ITPR2: variants seen among roughly 807,000 people sequenced by gnomAD.
The protein encoded by ITPR2 is inositol 1,4,5-trisphosphate-gated calcium channel ITPR2.
Under a neutral mutation model 317.1 loss-of-function variants are expected in ITPR2, and 207 were observed. The observed-to-expected ratio is 0.65, with a 90% CI of 0.58 to 0.73. The LOEUF (loss-of-function observed/expected upper bound fraction) is 0.73. Ranked by LOEUF, ITPR2 falls within the 30% of genes least tolerant of loss-of-function variation. The pLI is 0.00. For missense variants in ITPR2, 2,613 were observed against 3,284.0 expected, an observed-to-expected ratio of 0.80 and a Z score of 4.99; for synonymous variants, 1,156 against 1,149.1, an observed-to-expected ratio of 1.01 and a Z score of -0.12.
In ITPR2 at chr12:26,624,789, A is replaced by AC. The variant is rs1400575122; in HGVS notation, c.3065-434_3065-433insG. 2.3e-3 allele frequency among the ~76,000 whole-genome samples: 350 copies of AC among 152,018 alleles called. 2 individuals carry two copies. The highest frequency in any genetic ancestry group is 8.1e-3 in the African/African-American group (335 of 41,480). ...TTCGAGGTTTCTCAAAAAAAAAAAAAAACTAAAAATTGAGCTACCATATGA... is the reference window on the plus strand; with the variant it reads ...TTCGAGGTTTCTCAAAAAAAAAAAAACAACTAAAAATTGAGCTACCATATGA... On this transcript the variant is annotated intron_variant, in intron 23 of 56. Coordinates refer to ENST00000381340, the MANE Select transcript of ITPR2 (RefSeq NM_002223.4).
chr12:26,364,463 G>A (rs2136585569), intron 55 of ITPR2, among the ~76,000 whole-genome samples: 2 of 152,294 alleles, frequency 1.3e-5, no homozygotes, highest in South Asian at 4.2e-4. Context: ...ACTAGTCAGT[G>A]TTTCCCAAGG....
intron 9 of ITPR2, among the ~76,000 whole-genome samples, chr12:26,700,615 C>G (rs1451945931): frequency 1.5e-4 from 23 of 152,258 alleles, no homozygotes; most frequent in Non-Finnish European, 2.5e-4. Flanking sequence ...CCTCCTGCCT[C>G]CATAAAGCAG....
At chr12:26,829,881 A>G (rs910631204) in intron 1 of ITPR2, among the ~76,000 whole-genome samples, 1 of 152,142 alleles carries the variant, frequency 6.6e-6, no homozygotes, top group Non-Finnish European at 1.5e-5. Context: ...GGTTTCACCA[A>G]TAGCAGCATT....
At chr12:26,371,620 G>A (rs1939192634) in intron 55 of ITPR2, among the ~76,000 whole-genome samples, 1 of 152,224 alleles carries the variant, frequency 6.6e-6, no homozygotes, top group South Asian at 2.1e-4. Flanking sequence ...TCCAGGTGAA[G>A]GGAACAGCAG....
chr12:26,680,251 T>C (rs1948003959), intron 13 of ITPR2, among the ~76,000 whole-genome samples: 1 of 152,054 alleles, frequency 6.6e-6, no homozygotes, highest in African/African-American at 2.4e-5. Flanking sequence ...AAATTTCATA[T>C]CAGTAGGAAA....
rs747906554 is a variant in ITPR2, at chr12:26,597,113, C to T, written c.4024G>A (p.Val1342Met). 3.1e-6 allele frequency: 5 copies of T among 1,613,696 alleles called. No individual in the cohort carries two copies. In the Admixed American group the frequency reaches 6.7e-5, roughly 22 times the overall value. ...GCTCTATCATTGTAAAATATCAGCACGTCTTCACCCCCATTTATCAACTGA... is the reference window on the plus strand; with the variant it reads ...GCTCTATCATTGTAAAATATCAGCATGTCTTCACCCCCATTTATCAACTGA... The part of the protein sequence containing the change: ...MTELINGGED[V>M]LIFYNDRASF... The change falls in exon 31 of 57, where the codon GTG becomes ATG. Residue 1342 changes from valine to methionine, a missense_variant. By Grantham distance (21) the Val-to-Met change is conservative. This residue lies in a region of ITPR2 where 817 missense variants were observed against 897.6 expected (regional missense o/e 0.91). Transcript: ENST00000381340.
At chr12:26,822,009 C>A (rs2137294526) in intron 1 of ITPR2, among the ~76,000 whole-genome samples, 1 of 152,254 alleles carries the variant, frequency 6.6e-6, no homozygotes, top group South Asian at 2.1e-4. Flanking sequence ...TTCTGATGAT[C>A]CATGTAAGTT....
chr12:26,815,294 T>C (rs1362602809), intron 1 of ITPR2, among the ~76,000 whole-genome samples: 1 of 152,074 alleles, frequency 6.6e-6, no homozygotes, highest in African/African-American at 2.4e-5. Context: ...ATTGTGCCAC[T>C]GCACTCTAGC....
intron 32 of ITPR2, among the ~76,000 whole-genome samples, chr12:26,594,882 A>G (rs1945802540): frequency 6.6e-6 from 1 of 152,214 alleles, no homozygotes; most frequent in Non-Finnish European, 1.5e-5. Flanking sequence ...GAAAATGCCA[A>G]CCAGCTCCAC....
chr12:26,661,279 G>GC (rs1310757807), intron 15 of ITPR2, among the ~76,000 whole-genome samples: 4 of 114,386 alleles, frequency 3.5e-5, no homozygotes, highest in African/African-American at 1.2e-4. Flanking sequence ...TGTGTGTGGG[G>GC]GGGGGGGGGT....
intron 1 of ITPR2, among the ~76,000 whole-genome samples, chr12:26,796,650 C>T (rs35335462): frequency 0.016 from 2,460 of 152,124 alleles, 33 homozygotes; most frequent in Middle Eastern, 0.034. Context: ...AAGACATGTA[C>T]GAACAAGAGT....
chr12:26,686,669 G>A (rs868854434), intron 10 of ITPR2, 37 bp from the exon 11 acceptor site: 18 of 1,558,114 alleles, frequency 1.2e-5, no homozygotes, highest in Admixed American at 3.7e-5. Context: ...CTTTTATCAC[G>A]TTTCTTGCTA....
intron 55 of ITPR2, among the ~76,000 whole-genome samples, chr12:26,370,523 C>A (rs1221153192): frequency 3.3e-5 from 5 of 152,164 alleles, no homozygotes; most frequent in Admixed American, 1.3e-4. Context: ...ATGGACTTAC[C>A]TGCTAAAATC....
chr12:26,419,154 A>G lies in ITPR2; in HGVS notation c.7005T>C (p.Arg2335=), dbSNP rs1432531774. The G allele has an allele frequency of 1.2e-6, 2 of 1,613,800 alleles. No individual in the cohort carries two copies. The highest frequency in any genetic ancestry group is 3.3e-5 in the Admixed American group (2 of 59,948). The change falls in exon 50 of 57, where the codon CGT becomes CGC. Residue 2335 remains arginine, a synonymous_variant. Transcript: ENST00000381340. ...TATCCAGGATGACTGCTCGGTACCCACGGGTGAACGTGCCACGATTTCCAA... is the reference window on the plus strand; with the variant it reads ...TATCCAGGATGACTGCTCGGTACCCGCGGGTGAACGTGCCACGATTTCCAA... The part of the protein sequence containing the change: ...SFVGNRGTFT[R]GYRAVILDMA...
chr12:26,598,545 A>G (rs1468977928), intron 30 of ITPR2, among the ~76,000 whole-genome samples: 1 of 152,150 alleles, frequency 6.6e-6, no homozygotes, highest in Non-Finnish European at 1.5e-5. Context: ...CTAGTAACTT[A>G]CTCATTACAT....
chr12:26,772,441 T>A (rs559807020), intron 2 of ITPR2, among the ~76,000 whole-genome samples: 39 of 101,194 alleles, frequency 3.9e-4, no homozygotes, highest in South Asian at 1.2e-3. Flanking sequence ...AATACATGTA[T>A]TATATATATT....
intron 52 of ITPR2, among the ~76,000 whole-genome samples, chr12:26,405,011 G>A (rs1940301864): frequency 4.6e-5 from 7 of 152,124 alleles, no homozygotes. Context: ...GCACAAGCCT[G>A]TAATCCCAGC....
intron 2 of ITPR2, among the ~76,000 whole-genome samples, chr12:26,780,450 T>C (rs990419376): frequency 6.6e-6 from 1 of 152,272 alleles, no homozygotes; most frequent in East Asian, 1.9e-4. Context: ...CCACACAACA[T>C]TGCCACTGAC....
chr12:26,355,708 C>G (rs1189980276), intron 55 of ITPR2, among the ~76,000 whole-genome samples: 2 of 152,218 alleles, frequency 1.3e-5, no homozygotes, highest in Admixed American at 6.5e-5. Flanking sequence ...TTCCAAATAC[C>G]TTTTTCTAGA....
Sources: allele counts gnomAD v4.1 joint callset (sites outside exome capture counted in the v4.1 genomes callset), GRCh38; gene constraint gnomAD v4.1.1; regional missense constraint gnomAD v4.1.1; transcripts MANE v1.5; gene names NCBI Gene and HGNC (gene_info 2026-07-23, HGNC 2026-07-21).